HOMER1: variants seen among roughly 807,000 people sequenced by gnomAD.
The protein encoded by HOMER1 is homer scaffold protein 1, also known as homer protein homolog 1.
HOMER1 carries 3 observed loss-of-function variants against 48.9 expected under a neutral mutation model. The ratio of observed to expected loss-of-function variants is 0.06; its 90% CI spans 0.03 to 0.16. The LOEUF is 0.16. HOMER1 is among the 10% of genes least tolerant of loss of function. The probability of loss-of-function intolerance (pLI) is 1.00; values close to 1 mark genes in which losing one functional copy is unlikely to be tolerated. For synonymous variants in HOMER1, 134 were observed against 146.4 expected, an observed-to-expected ratio of 0.92 and a Z score of 0.61; for missense variants, 247 against 411.4, an observed-to-expected ratio of 0.60 and a Z score of 3.46.
chr5:79,474,889 G>T lies in HOMER1; in HGVS notation c.6-17871C>A, dbSNP rs1183498860. Among the ~76,000 whole-genome samples, 13 of 152,270 alleles carry T rather than the reference G, an allele frequency of 8.5e-5. No homozygotes were observed. In the East Asian group the frequency reaches 2.5e-3, roughly 29 times the overall value. On this transcript the variant is annotated intron_variant, in intron 1 of 8. Coordinates refer to ENST00000334082, the MANE Select transcript of HOMER1 (RefSeq NM_004272.5). ...GACAGTTTCTAAACTTCTGCAGTTG[G>T]AATTATGTGATGTCTCAGCAATTTT...
intron 4 of HOMER1, among the ~76,000 whole-genome samples, chr5:79,442,898 T>C (rs1415121588): frequency 6.6e-6 from 1 of 152,194 alleles, no homozygotes; most frequent in East Asian, 1.9e-4. Context: ...TTCCTATAGT[T>C]AGTCACCATC....
chr5:79,488,965 T>C (rs1047387697), intron 1 of HOMER1, among the ~76,000 whole-genome samples: 12 of 152,338 alleles, frequency 7.9e-5, no homozygotes, highest in African/African-American at 2.4e-4. Flanking sequence ...TGGTTTCACA[T>C]TGTTACCAAA....
intron 4 of HOMER1, among the ~76,000 whole-genome samples, chr5:79,442,113 AT>A (rs956224406): frequency 6.6e-6 from 1 of 151,870 alleles, no homozygotes; most frequent in Non-Finnish European, 1.5e-5. Flanking sequence ...CTTACATCTC[AT>A]TTTTTTTCTG....
At chr5:79,382,445 C>G (rs1356238203) in intron 8 of HOMER1, among the ~76,000 whole-genome samples, 1 of 152,168 alleles carries the variant, frequency 6.6e-6, no homozygotes, top group Non-Finnish European at 1.5e-5. Flanking sequence ...TTCAGACCAA[C>G]AGGGCATTTC....
At chr5:79,470,904 A>C (rs1216963008) in intron 1 of HOMER1, among the ~76,000 whole-genome samples, 1 of 152,196 alleles carries the variant, frequency 6.6e-6, no homozygotes, top group Admixed American at 6.5e-5. Context: ...CTGTATAAAA[A>C]CATGTCTACA....
Position 79,457,274 on chromosome 5 carries a change from A to C in HOMER1, c.6-256T>G, listed in dbSNP as rs552826135. Among the ~76,000 whole-genome samples, 9 of 152,354 alleles carry C rather than the reference A, an allele frequency of 5.9e-5. No homozygotes were observed. In the East Asian group the frequency reaches 1.5e-3, roughly 26 times the overall value. Reference sequence around the variant, plus strand: ...TCACTAAAATTTATCTGTAACCGCCAAATCAATAGTGTGGCACATTCTTAG... The same window carrying C: ...TCACTAAAATTTATCTGTAACCGCCCAATCAATAGTGTGGCACATTCTTAG... On this transcript the variant is annotated intron_variant, in intron 1 of 8. Coordinates refer to ENST00000334082, the MANE Select transcript of HOMER1 (RefSeq NM_004272.5).
intron 1 of HOMER1, among the ~76,000 whole-genome samples, chr5:79,487,593 T>C (rs1377827290): frequency 1.3e-5 from 2 of 151,988 alleles, no homozygotes; most frequent in East Asian, 3.9e-4. Flanking sequence ...ACAGGACAAA[T>C]TGGGTAAATA....
chr5:79,499,945 G>A (rs770081720), intron 1 of HOMER1, among the ~76,000 whole-genome samples: 6 of 151,978 alleles, frequency 3.9e-5, no homozygotes, highest in Non-Finnish European at 8.8e-5. Flanking sequence ...ATAACACCAC[G>A]AGACCCATAT....
At chr5:79,407,194 A>T (rs1178562701) in intron 5 of HOMER1, among the ~76,000 whole-genome samples, 1 of 152,174 alleles carries the variant, frequency 6.6e-6, no homozygotes, top group Non-Finnish European at 1.5e-5. Context: ...ACTAACTTTC[A>T]TAATAACAGC....
intron 8 of HOMER1, among the ~76,000 whole-genome samples, chr5:79,394,053 ATTT>A (rs921897172): frequency 6.6e-6 from 1 of 151,948 alleles, no homozygotes; most frequent in Non-Finnish European, 1.5e-5. Flanking sequence ...AATTTTTCTA[ATTT>A]TTTTTACAAT....
At chr5:79,483,482 T>C (rs1414617197) in intron 1 of HOMER1, among the ~76,000 whole-genome samples, 1 of 149,798 alleles carries the variant, frequency 6.7e-6, no homozygotes, top group Non-Finnish European at 1.5e-5. Flanking sequence ...GTTTATGTTA[T>C]GTGAATTTTA....
chr5:79,491,783 C>T (rs1177098082), intron 1 of HOMER1, among the ~76,000 whole-genome samples: 1 of 152,166 alleles, frequency 6.6e-6, no homozygotes, highest in African/African-American at 2.4e-5. Context: ...TGAGAAGCTA[C>T]TATGTGAAAT....
intron 5 of HOMER1, among the ~76,000 whole-genome samples, chr5:79,429,572 A>T (rs548375385): frequency 6.6e-6 from 1 of 152,346 alleles, no homozygotes; most frequent in South Asian, 2.1e-4. Context: ...ATCATATATA[A>T]AAATCAATGG....
chr5:79,396,901 T>C lies in HOMER1; in HGVS notation c.798A>G (p.Glu266=). ...LEETLKLKEE[E]IERLKQEIDN... Reference sequence around the variant, plus strand: ...CAATTTCTTGTTTTAACCTTTCTATTTCCTAGAAAAGACAGAGCAATGTCT... The same window carrying C: ...CAATTTCTTGTTTTAACCTTTCTATCTCCTAGAAAAGACAGAGCAATGTCT... Residue 266 remains glutamate (E), a splice_region_variant and synonymous_variant, in exon 8 of 9, where the codon GAA becomes GAG. Coordinates refer to ENST00000334082, the MANE Select transcript of HOMER1 (RefSeq NM_004272.5). The C allele has an allele frequency of 1.9e-6, 3 of 1,568,624 alleles. No individual in the cohort carries two copies. The highest frequency in any genetic ancestry group is 1.8e-6 in the Non-Finnish European group (2 of 1,142,082).
At chr5:79,432,882 C>T (rs571460632) in intron 5 of HOMER1, among the ~76,000 whole-genome samples, 73 of 152,258 alleles carry the variant, frequency 4.8e-4, no homozygotes, top group African/African-American at 1.6e-3. Flanking sequence ...AAGTTATGAT[C>T]TCTCACAAAT....
chr5:79,411,204 G>A (rs2112233863), intron 5 of HOMER1, among the ~76,000 whole-genome samples: 2 of 152,274 alleles, frequency 1.3e-5, no homozygotes, highest in South Asian at 4.1e-4. Flanking sequence ...CAAAGTTCTG[G>A]CCAGGCACAG....
chr5:79,378,045 C>G (rs1748819946), intron 8 of HOMER1, among the ~76,000 whole-genome samples: 1 of 151,976 alleles, frequency 6.6e-6, no homozygotes, highest in African/African-American at 2.4e-5. Context: ...TGGCGAATCC[C>G]TTCGTCTCTA....
At chr5:79,481,982 G>T (rs562609499) in intron 1 of HOMER1, among the ~76,000 whole-genome samples, 1 of 152,302 alleles carries the variant, frequency 6.6e-6, no homozygotes, top group Non-Finnish European at 1.5e-5. Flanking sequence ...ATTTTGGGAG[G>T]CCAAGGCAGG....
At chr5:79,425,033 T>C (rs950087731) in intron 5 of HOMER1, among the ~76,000 whole-genome samples, 6 of 152,090 alleles carry the variant, frequency 3.9e-5, no homozygotes, top group African/African-American at 1.4e-4. Flanking sequence ...CTACTTCTTT[T>C]GACTCTTCCA....
Sources: allele counts gnomAD v4.1 joint callset (sites outside exome capture counted in the v4.1 genomes callset), GRCh38; gene constraint gnomAD v4.1.1; transcripts MANE v1.5; gene names NCBI Gene and HGNC (gene_info 2026-07-23, HGNC 2026-07-21).